The following NTN1 variants were observed in gnomAD, a reference collection of about 807,000 sequenced individuals.
NTN1 encodes netrin 1, also known as netrin-1.
Under a neutral mutation model 54.2 loss-of-function variants are expected in NTN1, and 11 were observed. That is an observed-to-expected ratio of 0.20 (90% CI 0.13 to 0.34). The LOEUF (loss-of-function observed/expected upper bound fraction) is 0.34, where lower values mean the gene tolerates loss of function less well. NTN1 is among the 10% of genes least tolerant of loss of function. NTN1 has a pLI of 1.00. For synonymous variants in NTN1, 371 were observed against 382.0 expected (o/e 0.97, Z 0.33); for missense variants, 740 against 893.1 (o/e 0.83, Z 2.18).
intron 3 of NTN1, among the ~76,000 whole-genome samples, chr17:9,167,232 A>G (rs1204867895): frequency 6.6e-6 from 1 of 151,882 alleles, no homozygotes; most frequent in East Asian, 1.9e-4. Flanking sequence ...TGTGAATGAT[A>G]CTCGTCTTGG....
upstream of NTN1, among the ~76,000 whole-genome samples, chr17:9,018,359 C>T (rs148889851): frequency 8.1e-4 from 124 of 152,210 alleles, 1 homozygote; most frequent in East Asian, 7.3e-3. Flanking sequence ...AGGCTGGGCG[C>T]GGTGGCTCAC....
At chr17:9,067,932 TATC>T (rs1221359159) in intron 2 of NTN1, among the ~76,000 whole-genome samples, 1 of 152,134 alleles carries the variant, frequency 6.6e-6, no homozygotes, top group Non-Finnish European at 1.5e-5. Flanking sequence ...GTATTGAAGA[TATC>T]ATAAACCGGG....
chr17:9,115,063 GC>G (rs1276137527), intron 2 of NTN1, among the ~76,000 whole-genome samples: 2 of 150,120 alleles, frequency 1.3e-5, no homozygotes, highest in Non-Finnish European at 3.0e-5. Context: ...GGGGCGCCAG[GC>G]CGGGGGTGCA....
intron 2 of NTN1, among the ~76,000 whole-genome samples, chr17:9,151,410 G>A (rs2092327312): frequency 6.6e-6 from 1 of 152,240 alleles, no homozygotes; most frequent in East Asian, 1.9e-4. Context: ...CCTGTCTTTG[G>A]CAAGCCGGGA....
intron 2 of NTN1, among the ~76,000 whole-genome samples, chr17:9,151,806 A>G (rs535216238): frequency 1.3e-5 from 2 of 152,296 alleles, no homozygotes; most frequent in African/African-American, 4.8e-5. Context: ...TCTGTCTTAC[A>G]AGAGGATTGT....
In NTN1 at chr17:9,192,909, C is replaced by T. The variant is rs370785799; in HGVS notation, c.1411+9940C>T. On this transcript the variant is annotated intron_variant, in intron 5 of 6. Transcript: ENST00000173229. ...CAGCCTGGCCAACATGGTGAAACCC[C>T]GTCTCTACTAAAAATAAAAAATTAG... Among the ~76,000 whole-genome samples, 42 of 151,998 alleles carry T rather than the reference C, an allele frequency of 2.8e-4. No individual in the cohort carries two copies. In the East Asian group the frequency reaches 4.8e-3, roughly 18 times the overall value.
At chr17:9,043,055 G>A (rs544902898) in intron 2 of NTN1, among the ~76,000 whole-genome samples, 7 of 151,908 alleles carry the variant, frequency 4.6e-5, no homozygotes, top group Non-Finnish European at 1.0e-4. Flanking sequence ...TTTTTCAACT[G>A]CTTTTTGAGT....
At chr17:9,029,319 T>C (rs1010316251) in intron 2 of NTN1, among the ~76,000 whole-genome samples, 5 of 152,218 alleles carry the variant, frequency 3.3e-5, no homozygotes, top group African/African-American at 7.2e-5. Context: ...ACAGATGTCC[T>C]GGCCATCAAA....
chr17:9,008,586 G>C, the NTN1 span, among the ~76,000 whole-genome samples: 4 of 152,284 alleles, frequency 2.6e-5, no homozygotes, highest in Admixed American at 2.6e-4. Flanking sequence ...GCCTCCCAAA[G>C]TGCTGGGATT....
the NTN1 span, among the ~76,000 whole-genome samples, chr17:9,014,169 C>G: frequency 1.3e-5 from 2 of 152,160 alleles, no homozygotes; most frequent in African/African-American, 4.8e-5. Context: ...TGGCCTGCTC[C>G]CCATGTTCTA....
At chr17:9,210,459 C>G in intron 5 of NTN1, among the ~76,000 whole-genome samples, 1 of 151,316 alleles carries the variant, frequency 6.6e-6, no homozygotes, top group South Asian at 2.1e-4. Flanking sequence ...CACACACACA[C>G]ACACACACTC....
rs531223087 is a variant in NTN1, at chr17:9,238,377, A to G, written c.1487-1263A>G. Among the ~76,000 whole-genome samples the G allele has an allele frequency of 5.3e-5, 8 of 152,288 alleles. No individual in the cohort carries two copies. The South Asian group carries it at 1.7e-3, about 32-fold the overall frequency. ...GGGAATAAAGGTGTTTCGCCCAGTG[A>G]AGGCTACAGTGTGTGAGGGTGGGAT... On this transcript the variant is annotated intron_variant, in intron 6 of 6. Coordinates refer to ENST00000173229, the MANE Select transcript of NTN1 (RefSeq NM_004822.3).
intron 5 of NTN1, among the ~76,000 whole-genome samples, chr17:9,220,711 G>GTTGAGGGGACCTCAACA (rs1905316681): frequency 6.6e-6 from 1 of 152,040 alleles, no homozygotes; most frequent in Non-Finnish European, 1.5e-5. Flanking sequence ...TTTCCCCTGT[G>GTTGAGGGGACCTCAACA]ACCTCTTTTG....
intron 3 of NTN1, among the ~76,000 whole-genome samples, chr17:9,164,731 C>T (rs574300953): frequency 3.3e-5 from 5 of 152,282 alleles, no homozygotes; most frequent in African/African-American, 7.2e-5. Flanking sequence ...TGCGGACTTA[C>T]GGCTGCCTCT....
At chr17:9,108,289 G>C (rs1031704508) in intron 2 of NTN1, among the ~76,000 whole-genome samples, 1 of 152,110 alleles carries the variant, frequency 6.6e-6, no homozygotes, top group Non-Finnish European at 1.5e-5. Context: ...GCAGGCGGTG[G>C]GGATGTTATC....
chr17:9,207,265 T>G (rs1904990380), intron 5 of NTN1, among the ~76,000 whole-genome samples: 2 of 152,202 alleles, frequency 1.3e-5, no homozygotes, highest in South Asian at 2.1e-4. Context: ...ATGGAGTTGC[T>G]TTTCAGAACA....
intron 5 of NTN1, among the ~76,000 whole-genome samples, chr17:9,209,876 A>G (rs982045396): frequency 2.0e-5 from 3 of 152,046 alleles, no homozygotes; most frequent in African/African-American, 7.2e-5. Flanking sequence ...TAACCATGGT[A>G]CGGAGTGGAG....
At chr17:9,114,422 A>T (rs1330078900) in intron 2 of NTN1, among the ~76,000 whole-genome samples, 1 of 150,132 alleles carries the variant, frequency 6.7e-6, no homozygotes, top group Non-Finnish European at 1.5e-5. Flanking sequence ...TTTTGCAAAA[A>T]AATATATTGA....
At chr17:9,109,665 T>C (rs1207444993) in intron 2 of NTN1, among the ~76,000 whole-genome samples, 1 of 152,230 alleles carries the variant, frequency 6.6e-6, no homozygotes, top group African/African-American at 2.4e-5. Context: ...AAATTGGTCA[T>C]TTCCAGCTTT....
Sources: gnomAD v4.1 joint callset for allele counts (sites outside exome capture counted in the v4.1 genomes callset) on GRCh38, gnomAD v4.1.1 for gene constraint, MANE v1.5 for transcripts, NCBI Gene and HGNC (gene_info 2026-07-23, HGNC 2026-07-21) for gene names.